Variants in DDIAS observed in about 807,000 individuals in gnomAD.
DDIAS encodes the protein DNA damage induced apoptosis suppressor.
In DDIAS, 14 loss-of-function variants were observed where a neutral mutation model predicts 15.7. The observed-to-expected ratio is 0.89, with a 90% confidence interval of 0.59 to 1.39. DDIAS has a LOEUF of 1.39. DDIAS is among the 40% of genes most tolerant of loss of function. The pLI, the probability that DDIAS is intolerant of heterozygous loss-of-function variation, is 0.00. For synonymous variants in DDIAS, 355 were observed against 395.9 expected, an observed-to-expected ratio of 0.90 and a Z score of 1.23; for missense variants, 1,035 against 1,130.9, an observed-to-expected ratio of 0.92 and a Z score of 1.22.
chr11:82,933,756 A>G lies in DDIAS; in HGVS notation c.2418A>G (p.Glu806=). 6.2e-7 allele frequency: 1 copy of G among 1,610,798 alleles called. No individual in the cohort carries two copies. The change falls in exon 6 of 6, where the codon GAA becomes GAG. Residue 806 remains glutamate, a synonymous_variant. Transcript: ENST00000533655. ...VFYSDLDGNY[E]KIRIFPENDK... ...ATTCAGATCTTGATGGTAACTATGA[A>G]AAAATAAGGATTTTCCCTGAAAATG... is the stretch of plus-strand genomic sequence containing the variant.
At chr11:82,929,036 C>A in intron 4 of DDIAS, 98 bp downstream of exon 4, 1 of 1,340,600 alleles carries the variant, frequency 7.5e-7, no homozygotes, top group Non-Finnish European at 1.0e-6. Flanking sequence ...GATAATCATT[C>A]AACCCCAGAT....
intron 1 of DDIAS, among the ~76,000 whole-genome samples, chr11:82,910,606 CTTTTTTTTTTT>C (rs869173859): frequency 4.5e-5 from 4 of 89,110 alleles, no homozygotes; most frequent in African/African-American, 5.4e-5. Context: ...CTCTCTCTCT[CTTTTTTTTTTT>C]TTTTTTTTTT....
Position 82,932,665 on chromosome 11 carries a change from A to G in DDIAS, c.1327A>G (p.Arg443Gly). Residue 443 changes from arginine to glycine, a missense_variant, in exon 6 of 6, where the codon AGG becomes GGG. Coordinates refer to ENST00000533655, the MANE Select transcript of DDIAS (RefSeq NM_145018.4). Reference sequence around the variant, plus strand: ...TGTAACCCAGGCAGATGTCAGTAGTAGGAAACATCATGTAGATAATGACAT... The same window carrying G: ...TGTAACCCAGGCAGATGTCAGTAGTGGGAAACATCATGTAGATAATGACAT... ...IAVTQADVSS[R>G]KHHVDNDIDK... The G allele has an allele frequency of 6.2e-7, 1 of 1,614,108 alleles. No homozygotes were observed. Among genetic ancestry groups the G allele is most frequent in the African/African-American group, 1.3e-5 (1 of 75,062 alleles).
At chr11:82,917,751 A>C (rs1312295645) in intron 3 of DDIAS, among the ~76,000 whole-genome samples, 1 of 152,204 alleles carries the variant, frequency 6.6e-6, no homozygotes, top group Non-Finnish European at 1.5e-5. Flanking sequence ...GTACTAGTTC[A>C]CATTTCTACC....
chr11:82,909,309 C>T (rs894897984), intron 1 of DDIAS: 1 of 152,188 alleles, frequency 6.6e-6, no homozygotes, highest in Non-Finnish European at 1.5e-5. Context: ...CCAGAGGTCA[C>T]TCTCATCACC....
At chr11:82,902,743 A>G (rs1860347005) in intron 1 of DDIAS, among the ~76,000 whole-genome samples, 1 of 152,200 alleles carries the variant, frequency 6.6e-6, no homozygotes, top group South Asian at 2.1e-4. Context: ...AAAGCCTTTT[A>G]AATCAGAAAC....
At chr11:82,907,649 C>T (rs953421632) in intron 1 of DDIAS, among the ~76,000 whole-genome samples, 1 of 152,226 alleles carries the variant, frequency 6.6e-6, no homozygotes, top group Non-Finnish European at 1.5e-5. Flanking sequence ...AAGTGACCTT[C>T]CCACCTCAGC....
At chr11:82,922,579 T>G (rs1216014754) in intron 3 of DDIAS, 1 of 152,230 alleles carries the variant, frequency 6.6e-6, no homozygotes, top group African/African-American at 2.4e-5. Context: ...TTTTTCTTTA[T>G]GCTATTTCCT....
intron 1 of DDIAS, among the ~76,000 whole-genome samples, chr11:82,906,825 T>C (rs993127383): frequency 1.4e-4 from 22 of 152,196 alleles, no homozygotes; most frequent in Admixed American, 6.5e-5. Context: ...AAATAGAAGA[T>C]AATTTTATGA....
At chr11:82,926,566 C>T (rs546511133) in intron 3 of DDIAS, among the ~76,000 whole-genome samples, 6 of 152,206 alleles carry the variant, frequency 3.9e-5, no homozygotes, top group South Asian at 2.1e-4. Context: ...TAAATCGGGA[C>T]GGTGATGTGA....
intron 3 of DDIAS, among the ~76,000 whole-genome samples, chr11:82,917,651 A>G (rs565241614): frequency 2.6e-5 from 4 of 152,232 alleles, no homozygotes; most frequent in African/African-American, 9.6e-5. Flanking sequence ...TTTTCCTCTG[A>G]GTAGATACCC....
In DDIAS at chr11:82,934,618, A is replaced by T. The variant is rs890087786; in HGVS notation, c.*283A>T. ...TTTTGAAAGTATTAATGTTTGTTAA[A>T]ATCACATATACATCCAGAAATAAAG... On this transcript the variant is annotated 3_prime_UTR_variant, in exon 6 of 6. Coordinates refer to ENST00000533655, the MANE Select transcript of DDIAS (RefSeq NM_145018.4). The T allele has an allele frequency of 1.3e-4, 34 of 270,514 alleles. No individual in the cohort carries two copies. Among genetic ancestry groups the T allele is most frequent in the Middle Eastern group, 1.1e-3 (1 of 888 alleles). The allele number at this position is 270,514 out of a possible 1,614,324, so 16.8% of individuals were successfully genotyped here.
rs1224978431 is a variant in DDIAS at position 82,933,993 on chromosome 11, A to T, written c.2655A>T (p.Leu885=). 3 of 1,613,626 alleles carry T rather than the reference A, an allele frequency of 1.9e-6. No individual in the cohort carries two copies. The East Asian group carries it at 6.7e-5, about 36-fold the overall frequency. ...SDMLGFQGIG[L]GKCLAAYHFP... ...TGCTTGGATTCCAAGGCATAGGTCTAGGGAAATGCCTTGCTGCCTATCATT... is the reference window on the plus strand; with the variant it reads ...TGCTTGGATTCCAAGGCATAGGTCTTGGGAAATGCCTTGCTGCCTATCATT... The change falls in exon 6 of 6, where the codon CTA becomes CTT. Residue 885 remains leucine (L), a synonymous_variant. Transcript: ENST00000533655.
intron 2 of DDIAS, 58 bp from the exon 3 acceptor site, chr11:82,914,665 G>C: frequency 1.2e-6 from 1 of 830,452 alleles, no homozygotes; most frequent in Admixed American, 2.2e-5. Flanking sequence ...CCTAAGAAAA[G>C]AATATGCACT....
chr11:82,906,476 T>G (rs1167563814), intron 1 of DDIAS, among the ~76,000 whole-genome samples: 1 of 152,192 alleles, frequency 6.6e-6, no homozygotes, highest in Non-Finnish European at 1.5e-5. Flanking sequence ...CCTGCTTATT[T>G]AAGTTTTTCA....
Position 82,932,745 on chromosome 11 carries a change from T to G in DDIAS, c.1407T>G (p.Thr469=). The stretch of plus-strand genomic sequence containing the variant: ...TATCTGTGACTCCCCAGAGAACTAC[T>G]GGAGCCCTGCATACACCACCTATAG... ...SRLSVTPQRT[T]GALHTPPIAL... is the part of the protein sequence containing the mutation. The change falls in exon 6 of 6, where the codon ACT becomes ACG. Residue 469 remains threonine, a synonymous_variant. Coordinates refer to ENST00000533655, the MANE Select transcript of DDIAS (RefSeq NM_145018.4). 1 of 1,614,110 alleles carries G rather than the reference T, an allele frequency of 6.2e-7. No homozygotes were observed. Among genetic ancestry groups the G allele is most frequent in the Non-Finnish European group, 8.5e-7 (1 of 1,180,030 alleles).
In DDIAS at chr11:82,934,180, T is replaced by C; in HGVS notation, c.2842T>C (p.Cys948Arg). 6.2e-7 allele frequency: 1 copy of C among 1,614,018 alleles called. No homozygotes were observed. The highest frequency in any genetic ancestry group is 8.5e-7 in the Non-Finnish European group (1 of 1,180,020). The part of the protein sequence containing the change: ...NCKSSGWISK[C>R]PDIQVLAAPQ... ...TAAAAGTTCAGGCTGGATTTCCAAATGTCCAGACATTCAAGTCTTAGCAGC... is the reference window on the plus strand; with the variant it reads ...TAAAAGTTCAGGCTGGATTTCCAAACGTCCAGACATTCAAGTCTTAGCAGC... The change falls in exon 6 of 6, where the codon TGT (cysteine) becomes CGT (arginine). Residue 948 changes from cysteine (C) to arginine (R), a missense_variant. Cys to Arg is a radical substitution (Grantham distance 180). Transcript: ENST00000533655.
intron 3 of DDIAS, among the ~76,000 whole-genome samples, chr11:82,915,469 A>G (rs1860612566): frequency 6.6e-6 from 1 of 152,208 alleles, no homozygotes; most frequent in African/African-American, 2.4e-5. Flanking sequence ...ACTATGTAAG[A>G]AAGAGTAGTG....
intron 5 of DDIAS, among the ~76,000 whole-genome samples, chr11:82,930,616 C>T (rs1470647252): frequency 6.6e-6 from 1 of 152,010 alleles, no homozygotes; most frequent in East Asian, 1.9e-4. Flanking sequence ...AATTCTCTAG[C>T]TTTTTAATTC....
Sources: allele counts gnomAD v4.1 joint callset (sites outside exome capture counted in the v4.1 genomes callset), GRCh38; gene constraint gnomAD v4.1.1; transcripts MANE v1.5; gene names NCBI Gene and HGNC (gene_info 2026-07-23, HGNC 2026-07-21).